Variants in EVC observed in about 807,000 individuals in gnomAD.
The protein encoded by EVC is evC complex member EVC.
EVC carries 116 observed loss-of-function variants against 118.9 expected under a neutral mutation model. The observed-to-expected ratio is 0.98, with a 90% CI of 0.84 to 1.14. The LOEUF (loss-of-function observed/expected upper bound fraction) is 1.14. Among genes scored for constraint, EVC ranks in the 50% most tolerant of loss-of-function variants. The pLI is 0.00. For synonymous variants in EVC, 619 were observed against 534.7 expected, an observed-to-expected ratio of 1.16 and a Z score of -2.18; for missense variants, 1,401 against 1,246.4, an observed-to-expected ratio of 1.12 and a Z score of -1.87.
chr4:5,819,678 C>G, the EVC span, among the ~76,000 whole-genome samples: 8,406 of 152,300 alleles, frequency 0.055, 356 homozygotes, highest in East Asian at 0.15. Flanking sequence ...AGAGAACAGG[C>G]TGGATAACTT....
intron 2 of EVC, among the ~76,000 whole-genome samples, chr4:5,728,612 G>A (rs988628564): frequency 6.6e-6 from 1 of 152,168 alleles, no homozygotes; most frequent in South Asian, 2.1e-4. Flanking sequence ...GGTGCTTCAT[G>A]AATGTGGTCT....
chr4:5,806,230 C>T (rs953840036), intron 17 of EVC, among the ~76,000 whole-genome samples: 1 of 152,032 alleles, frequency 6.6e-6, no homozygotes, highest in African/African-American at 2.4e-5. Flanking sequence ...CAGGCGCGCA[C>T]CACCATGCCC....
Position 5,737,937 on chromosome 4 carries a change from G to T in EVC, c.703-3779G>T, listed in dbSNP as rs1727950080. 6.6e-6 allele frequency among the ~76,000 whole-genome samples: 1 copy of T among 152,176 alleles called. No homozygotes were observed. The highest frequency in any genetic ancestry group is 2.4e-5 in the African/African-American group (1 of 41,438). ...TAAGGCTCTAACTGCCATACATAGT[G>T]ATTCCTCTGAAGGATTTGAACAATG... On this transcript the variant is annotated intron_variant, in intron 5 of 20. Transcript: ENST00000264956. The surrounding 1 kb of genome is among the most constrained non-coding windows in gnomAD (Gnocchi z 5.0).
At chr4:5,788,002 T>A (rs1465265353) in intron 12 of EVC, among the ~76,000 whole-genome samples, 1 of 152,168 alleles carries the variant, frequency 6.6e-6, no homozygotes, top group Non-Finnish European at 1.5e-5. Flanking sequence ...GCTCACTTCT[T>A]TCTCCTTCTC....
chr4:5,787,482 G>A (rs563987625), intron 12 of EVC, among the ~76,000 whole-genome samples: 1 of 152,180 alleles, frequency 6.6e-6, no homozygotes, highest in Non-Finnish European at 1.5e-5. Flanking sequence ...ACTTGAAGAC[G>A]GAGGAAGGGG....
intron 16 of EVC, among the ~76,000 whole-genome samples, chr4:5,804,370 C>T (rs563109714): frequency 3.9e-5 from 6 of 152,332 alleles, no homozygotes; most frequent in African/African-American, 4.8e-5. Flanking sequence ...GCACCCACTT[C>T]GGCACTGTGC....
chr4:5,770,594 C>T (rs181657562), intron 11 of EVC, among the ~76,000 whole-genome samples: 104 of 152,272 alleles, frequency 6.8e-4, no homozygotes, highest in Non-Finnish European at 1.1e-3. Context: ...AGGAATGTGC[C>T]CTCCTTGATG....
chr4:5,776,069 T>C (rs1734677021), intron 11 of EVC, among the ~76,000 whole-genome samples: 1 of 152,164 alleles, frequency 6.6e-6, no homozygotes, highest in African/African-American at 2.4e-5. Context: ...ATTCCTAATT[T>C]GCTAAGTGTG....
intron 16 of EVC, among the ~76,000 whole-genome samples, chr4:5,802,768 G>C (rs1305974447): frequency 6.6e-6 from 1 of 152,182 alleles, no homozygotes; most frequent in Non-Finnish European, 1.5e-5. Flanking sequence ...GCGGTAATGT[G>C]AGCGATGGGG....
intron 3 of EVC, among the ~76,000 whole-genome samples, chr4:5,730,293 G>C (rs1726578046): frequency 6.6e-6 from 1 of 152,148 alleles, no homozygotes; most frequent in African/African-American, 2.4e-5. Flanking sequence ...ATTTGCTTTT[G>C]AAGACACCCA....
chr4:5,815,413 A>C (rs1717516586), downstream of EVC, among the ~76,000 whole-genome samples: 1 of 152,116 alleles, frequency 6.6e-6, no homozygotes, highest in African/African-American at 2.4e-5. Flanking sequence ...GAGAGTGATG[A>C]CCCCACAAAC....
Position 5,811,493 on chromosome 4 carries a change from C to T in EVC, c.*456C>T, listed in dbSNP as rs1042734891. The stretch of plus-strand genomic sequence containing the variant: ...TTAGAATATGAGGAAGAGGGTGTGG[C>T]CCAACCCTCACTTCACCTGGGGAGG... On this transcript the variant is annotated 3_prime_UTR_variant, in exon 21 of 21. Coordinates refer to ENST00000264956, the MANE Select transcript of EVC (RefSeq NM_153717.3). The T allele has an allele frequency of 3.7e-5, 8 of 213,362 alleles. No homozygotes were observed. Among genetic ancestry groups the T allele is most frequent in the African/African-American group, 1.6e-4 (7 of 42,804 alleles). 13.2% of individuals were successfully genotyped at this position (213,362 alleles called of 1,614,324 possible).
downstream of EVC, among the ~76,000 whole-genome samples, chr4:5,816,363 C>T (rs567987756): frequency 1.4e-4 from 22 of 152,314 alleles, no homozygotes; most frequent in Non-Finnish European, 2.5e-4. Flanking sequence ...CTCAGAAATC[C>T]TTCCCTGCGT....
intron 11 of EVC, among the ~76,000 whole-genome samples, chr4:5,780,708 A>G (rs1247480970): frequency 6.6e-6 from 1 of 152,200 alleles, no homozygotes; most frequent in Middle Eastern, 3.2e-3. Context: ...TGGGTGCTGG[A>G]AGGGCAGCAG....
At chr4:5,745,434 TAATACTTG>T (rs2152028739) in intron 7 of EVC, 93 bp downstream of exon 7, 1 of 1,374,538 alleles carries the variant, frequency 7.3e-7, no homozygotes, top group East Asian at 2.3e-5. Context: ...GAAGTGTGCC[TAATACTTG>T]AATTCCCCTA....
chr4:5,761,502 C>CG (rs1241181547), intron 11 of EVC, among the ~76,000 whole-genome samples: 7 of 80,638 alleles, frequency 8.7e-5, no homozygotes, highest in African/African-American at 2.7e-4. Flanking sequence ...AGGCGGGGGG[C>CG]GGGGGGTGGT....
chr4:5,793,695 C>G lies in EVC; in HGVS notation c.1864C>G (p.Arg622Gly), dbSNP rs1329006994. 5.8e-6 allele frequency: 9 copies of G among 1,550,682 alleles called. No individual in the cohort carries two copies. Among genetic ancestry groups the G allele is most frequent in the Non-Finnish European group, 7.8e-6 (9 of 1,147,392 alleles). Reference sequence around the variant, plus strand: ...GGGCACCATCCGCGGCGTCTTGGGCCGACTGGGCGGCCTCACTGAAGAGTG... The same window carrying G: ...GGGCACCATCCGCGGCGTCTTGGGCGGACTGGGCGGCCTCACTGAAGAGTG... ...HEGTIRGVLG[R>G]LGGLTEESTR... The change falls in exon 13 of 21, where the codon CGA becomes GGA. Residue 622 changes from arginine (R) to glycine (G), a missense_variant. Arg to Gly is a moderately radical substitution (Grantham distance 125). Transcript: ENST00000264956.
At chr4:5,827,943 A>G in the EVC span, 20 of 682,950 alleles carry the variant, frequency 2.9e-5, no homozygotes, top group Non-Finnish European at 3.6e-5. Flanking sequence ...AGATGTCCTG[A>G]GGTCAGTGCT....
At chr4:5,781,040 G>A (rs973828157) in intron 11 of EVC, among the ~76,000 whole-genome samples, 2 of 152,122 alleles carry the variant, frequency 1.3e-5, no homozygotes, top group South Asian at 2.1e-4. Context: ...TCAGTCATAC[G>A]GGCACATCTC....
Sources: allele counts gnomAD v4.1 joint callset (sites outside exome capture counted in the v4.1 genomes callset), GRCh38; gene constraint gnomAD v4.1.1; non-coding constraint Gnocchi (gnomAD v3.1); transcripts MANE v1.5; gene names NCBI Gene and HGNC (gene_info 2026-07-23, HGNC 2026-07-21).